Variants in GRM7 observed in about 807,000 individuals in gnomAD.
The protein encoded by GRM7 is metabotropic glutamate receptor 7.
GRM7 carries 35 observed loss-of-function variants against 84.5 expected under a neutral mutation model. That is an observed-to-expected ratio of 0.41 (90% CI 0.32 to 0.55). GRM7 has a LOEUF of 0.55. Among genes scored for constraint, GRM7 ranks in the 20% least tolerant of loss-of-function variants. GRM7 has a pLI of 0.19. For missense variants in GRM7, 1,003 were observed against 1,194.6 expected (o/e 0.84, Z 2.36); for synonymous variants, 487 against 455.1 (o/e 1.07, Z -0.89).
intron 7 of GRM7, among the ~76,000 whole-genome samples, chr3:7,545,432 C>A (rs1181049537): frequency 2.6e-5 from 4 of 152,178 alleles, no homozygotes. Context: ...AGACATGATA[C>A]CTTTGCTCAC....
chr3:6,970,717 C>T (rs1280101788), intron 1 of GRM7, among the ~76,000 whole-genome samples: 1 of 152,152 alleles, frequency 6.6e-6, no homozygotes, highest in Non-Finnish European at 1.5e-5. Context: ...CAGTGGCTCA[C>T]GCCTGTAATC....
chr3:7,267,139 G>A (rs1698671676), intron 2 of GRM7, among the ~76,000 whole-genome samples: 1 of 152,186 alleles, frequency 6.6e-6, no homozygotes, highest in South Asian at 2.1e-4. Context: ...ACAGAAGAAG[G>A]TGGAAATTGC....
At chr3:7,434,257 G>GGAAAAA (rs1173483313) in intron 5 of GRM7, among the ~76,000 whole-genome samples, 2 of 152,124 alleles carry the variant, frequency 1.3e-5, no homozygotes, top group African/African-American at 4.8e-5. Flanking sequence ...CACATCATCT[G>GGAAAAA]ACACAGTGCT....
intron 1 of GRM7, among the ~76,000 whole-genome samples, chr3:6,891,193 C>T (rs1222466198): frequency 3.3e-5 from 5 of 152,068 alleles, no homozygotes; most frequent in Non-Finnish European, 5.9e-5. Context: ...TCCAATTTGC[C>T]AGTCTGTGTC....
chr3:7,455,930 G>C (rs889575396), intron 6 of GRM7, among the ~76,000 whole-genome samples: 4 of 151,982 alleles, frequency 2.6e-5, no homozygotes, highest in Non-Finnish European at 5.9e-5. Context: ...CAATCTTCAG[G>C]AGTTGCCTAG....
intron 1 of GRM7, among the ~76,000 whole-genome samples, chr3:6,922,816 T>C (rs1697169475): frequency 6.6e-6 from 1 of 152,170 alleles, no homozygotes; most frequent in Non-Finnish European, 1.5e-5. Flanking sequence ...GTTAAAGGTA[T>C]GGTATTTTGA....
chr3:7,274,957 T>C (rs1698998225), intron 2 of GRM7, among the ~76,000 whole-genome samples: 2 of 152,134 alleles, frequency 1.3e-5, no homozygotes, highest in Admixed American at 6.6e-5. Flanking sequence ...TTTCCTGTGA[T>C]TCCTGGATAT....
chr3:7,256,792 G>A (rs1698223477), intron 2 of GRM7, among the ~76,000 whole-genome samples: 2 of 152,060 alleles, frequency 1.3e-5, no homozygotes, highest in Admixed American at 1.3e-4. Context: ...TCATCTAGTG[G>A]GGAAACAGAG....
At chr3:7,332,158 C>T (rs546742262) in intron 4 of GRM7, among the ~76,000 whole-genome samples, 1 of 152,144 alleles carries the variant, frequency 6.6e-6, no homozygotes, top group African/African-American at 2.4e-5. Flanking sequence ...GGAAAGTGAA[C>T]ATCAGCCTAG....
intron 8 of GRM7, among the ~76,000 whole-genome samples, chr3:7,634,524 G>A (rs185395083): frequency 6.8e-5 from 8 of 118,414 alleles, no homozygotes; most frequent in Admixed American, 5.3e-4. Context: ...CATGGCTCAC[G>A]CCTGTAACCC....
intron 1 of GRM7, among the ~76,000 whole-genome samples, chr3:7,103,749 C>CCTTT (rs55840104): frequency 0.038 from 3,649 of 96,396 alleles, 139 homozygotes; most frequent in East Asian, 0.055. Context: ...TCTCTCTCTC[C>CCTTT]CTTTCTTTCT....
chr3:7,576,634 T>G (rs1188597524), intron 7 of GRM7, among the ~76,000 whole-genome samples: 1 of 152,208 alleles, frequency 6.6e-6, no homozygotes, highest in Non-Finnish European at 1.5e-5. Flanking sequence ...AATTATGCAC[T>G]TAAAAACATG....
intron 7 of GRM7, among the ~76,000 whole-genome samples, chr3:7,511,899 T>C (rs1700223448): frequency 6.6e-6 from 1 of 152,158 alleles, no homozygotes; most frequent in Admixed American, 6.5e-5. Context: ...CTCAGCACTT[T>C]GGGAGGCTGA....
chr3:7,696,849 T>C (rs1314230190), intron 9 of GRM7, among the ~76,000 whole-genome samples: 1 of 152,172 alleles, frequency 6.6e-6, no homozygotes, highest in Non-Finnish European at 1.5e-5. Context: ...TTACATTAGC[T>C]AGAGGAGTTT....
chr3:7,296,492 T>G (rs78210196), intron 2 of GRM7, among the ~76,000 whole-genome samples: 1,911 of 152,188 alleles, frequency 0.013, 15 homozygotes, highest in Non-Finnish European at 0.019. Context: ...ATTCATCAGT[T>G]AAACCATCTG....
rs114808573 is a variant in GRM7, at chr3:7,352,731, G to A, written c.1033+46079G>A. Among the ~76,000 whole-genome samples the A allele has an allele frequency of 2.4e-3, 365 of 152,078 alleles. 1 individual carries two copies. The highest frequency in any genetic ancestry group is 8.4e-3 in the African/African-American group (348 of 41,510). ...AAATTCTGATGAGTCGTTTTTGCCT[G>A]GGGAAGTGACTTCCCCACCCCTAGT... On this transcript the variant is annotated intron_variant, in intron 4 of 9. Coordinates refer to ENST00000357716, the MANE Select transcript of GRM7 (RefSeq NM_000844.4).
At position 7,486,448 on chromosome 3, in the gene GRM7, A is replaced by G. The variant is rs997591183; in HGVS notation, c.1515+24726A>G. Among the ~76,000 whole-genome samples the G allele has an allele frequency of 2.6e-5, 4 of 152,100 alleles. No homozygotes were observed. Among genetic ancestry groups the G allele is most frequent in the African/African-American group, 7.2e-5 (3 of 41,418 alleles). ...TGGGAGATGATACCATTGAGAGGCA[A>G]TTGGGTCATAAAGCGTACTCCTTTA... On this transcript the variant is annotated intron_variant, in intron 7 of 9. Coordinates refer to ENST00000357716, the MANE Select transcript of GRM7 (RefSeq NM_000844.4). The surrounding 1 kb of genome is among the most constrained non-coding windows in gnomAD (Gnocchi z 5.5).
chr3:7,291,912 A>C (rs1024281962), intron 2 of GRM7, among the ~76,000 whole-genome samples: 1 of 152,130 alleles, frequency 6.6e-6, no homozygotes, highest in African/African-American at 2.4e-5. Flanking sequence ...CAGTTCCCCC[A>C]TACTGTTCTC....
intron 1 of GRM7, among the ~76,000 whole-genome samples, chr3:6,898,838 TGAA>T (rs1696284686): frequency 7.1e-6 from 1 of 141,788 alleles, no homozygotes; most frequent in Non-Finnish European, 1.5e-5. Context: ...AAAAAAAAAA[TGAA>T]GAAAGAAAAG....
Sources: allele counts gnomAD v4.1 joint callset (sites outside exome capture counted in the v4.1 genomes callset), GRCh38; gene constraint gnomAD v4.1.1; non-coding constraint Gnocchi (gnomAD v3.1); transcripts MANE v1.5; gene names NCBI Gene and HGNC (gene_info 2026-07-23, HGNC 2026-07-21).